RAB38: variants seen among roughly 807,000 people sequenced by gnomAD.
The protein encoded by RAB38 is RAB38, member RAS oncogene family, also known as ras-related protein Rab-38.
RAB38 carries 15 observed loss-of-function variants against 18.4 expected under a neutral mutation model. That is an observed-to-expected ratio of 0.82 (90% CI 0.55 to 1.26). The LOEUF is 1.26. Ranked by LOEUF, RAB38 falls within the 50% of genes most tolerant of loss-of-function variation. The pLI is 0.00. For missense variants in RAB38, 294 were observed against 267.4 expected, an observed-to-expected ratio of 1.10 and a Z score of -0.69; for synonymous variants, 101 against 104.4, an observed-to-expected ratio of 0.97 and a Z score of 0.20.
the RAB38 span, among the ~76,000 whole-genome samples, chr11:87,820,625 C>T: frequency 1.3e-5 from 2 of 152,108 alleles, no homozygotes; most frequent in African/African-American, 4.8e-5. Flanking sequence ...GCATGAAACT[C>T]TAAGGAAAAT....
At chr11:87,900,823 GAAAT>G in the RAB38 span, among the ~76,000 whole-genome samples, 1 of 151,012 alleles carries the variant, frequency 6.6e-6, no homozygotes, top group South Asian at 2.1e-4. Context: ...AAAAAGGAAA[GAAAT>G]GAAGGAAGGA....
chr11:87,974,388 G>A, the RAB38 span, among the ~76,000 whole-genome samples: 1 of 151,696 alleles, frequency 6.6e-6, no homozygotes, highest in African/African-American at 2.4e-5. Context: ...CTTAACAGCA[G>A]ATTTGATATT....
At chr11:87,953,309 T>C in the RAB38 span, among the ~76,000 whole-genome samples, 2 of 152,156 alleles carry the variant, frequency 1.3e-5, no homozygotes, top group Non-Finnish European at 2.9e-5. Context: ...GATGAATGTA[T>C]AAGGAATAGG....
At chr11:88,033,725 C>CTTT in the RAB38 span, among the ~76,000 whole-genome samples, 4,518 of 101,062 alleles carry the variant, frequency 0.045, 417 homozygotes, top group African/African-American at 0.063. Context: ...GTTGTGTTGC[C>CTTT]TTTTTTTTTT....
intron 1 of RAB38, among the ~76,000 whole-genome samples, chr11:88,167,871 T>C (rs2134854383): frequency 6.6e-6 from 1 of 152,274 alleles, no homozygotes; most frequent in East Asian, 1.9e-4. Context: ...ACCTGATTCC[T>C]ACCCCAGGAG....
At chr11:88,010,757 G>A in the RAB38 span, among the ~76,000 whole-genome samples, 9 of 152,272 alleles carry the variant, frequency 5.9e-5, no homozygotes, top group East Asian at 1.7e-3. Flanking sequence ...GGGCAGTTGA[G>A]AGCAAAACTA....
At chr11:87,812,189 G>T in the RAB38 span, among the ~76,000 whole-genome samples, 1 of 151,850 alleles carries the variant, frequency 6.6e-6, no homozygotes, top group Non-Finnish European at 1.5e-5. Flanking sequence ...TTCATAATTT[G>T]TAAAATGAAT....
the RAB38 span, among the ~76,000 whole-genome samples, chr11:88,075,525 G>T: frequency 6.6e-6 from 1 of 152,126 alleles, no homozygotes; most frequent in Non-Finnish European, 1.5e-5. Context: ...AGGTCTTTGG[G>T]ATATAGCAAA....
the RAB38 span, chr11:88,097,811 C>G: frequency 6.6e-6 from 1 of 151,910 alleles, no homozygotes; most frequent in Non-Finnish European, 1.5e-5. Flanking sequence ...CTGATTGTGT[C>G]TCTGGAAAAC....
the RAB38 span, among the ~76,000 whole-genome samples, chr11:88,032,097 T>A: frequency 1.1e-4 from 16 of 151,590 alleles, no homozygotes; most frequent in Admixed American, 9.9e-4. Context: ...CTATCTGATC[T>A]TTGACAAACC....
chr11:87,851,045 C>G, the RAB38 span, among the ~76,000 whole-genome samples: 1 of 152,214 alleles, frequency 6.6e-6, no homozygotes, highest in Non-Finnish European at 1.5e-5. Context: ...CCCCCGTTCC[C>G]CTCAGGGAGA....
the RAB38 span, among the ~76,000 whole-genome samples, chr11:88,080,675 T>C: frequency 2.6e-5 from 4 of 151,984 alleles, no homozygotes; most frequent in African/African-American, 9.7e-5. Context: ...AGTATGTTTG[T>C]GTACAGATAG....
At chr11:87,976,506 A>C in the RAB38 span, among the ~76,000 whole-genome samples, 5 of 518 alleles carry the variant, frequency 9.7e-3, no homozygotes, top group Non-Finnish European at 0.016. Flanking sequence ...ATATATTTGT[A>C]ATATATTTAT....
At chr11:87,839,313 C>G in the RAB38 span, among the ~76,000 whole-genome samples, 1 of 152,130 alleles carries the variant, frequency 6.6e-6, no homozygotes, top group African/African-American at 2.4e-5. Context: ...TACAATAATA[C>G]TTTGTTAATT....
At chr11:87,950,638 G>C in the RAB38 span, among the ~76,000 whole-genome samples, 64,542 of 151,874 alleles carry the variant, frequency 0.42, 14,172 homozygotes, top group South Asian at 0.56. Flanking sequence ...TTCTCCTTCA[G>C]TTATGAAGCT....
At chr11:88,175,033 T>G (rs1301501645) in intron 1 of RAB38, 150 bp downstream of exon 1, 4 of 1,031,678 alleles carry the variant, frequency 3.9e-6, no homozygotes, top group Admixed American at 5.8e-5. Flanking sequence ...ACGTTTTTCT[T>G]TTCTTTGAAA....
At chr11:87,845,356 G>A in the RAB38 span, among the ~76,000 whole-genome samples, 1 of 152,102 alleles carries the variant, frequency 6.6e-6, no homozygotes, top group African/African-American at 2.4e-5. Context: ...CCTCACACAT[G>A]TGAGGTGAAT....
chr11:88,033,615 G>T, the RAB38 span, among the ~76,000 whole-genome samples: 1 of 150,178 alleles, frequency 6.7e-6, no homozygotes, highest in Non-Finnish European at 1.5e-5. Context: ...AACGTTTCCA[G>T]TTGTGTTTCT....
chr11:88,151,808 G>C (rs574800653), intron 1 of RAB38, among the ~76,000 whole-genome samples: 14 of 152,332 alleles, frequency 9.2e-5, no homozygotes, highest in Non-Finnish European at 1.9e-4. Context: ...TAAACACTTA[G>C]TGAAAATGAA....
Sources: gnomAD v4.1 joint callset for allele counts (sites outside exome capture counted in the v4.1 genomes callset) on GRCh38, gnomAD v4.1.1 for gene constraint, MANE v1.5 for transcripts, NCBI Gene and HGNC (gene_info 2026-07-23, HGNC 2026-07-21) for gene names.